The following SC5D variants were observed in gnomAD, a reference collection of about 807,000 sequenced individuals.
SC5D encodes sterol-C5-desaturase, also known as lathosterol oxidase.
A neutral mutation model predicts 23.9 loss-of-function variants in SC5D; 21 were observed. The ratio of observed to expected loss-of-function variants is 0.88; its 90% CI spans 0.62 to 1.26. The LOEUF (loss-of-function observed/expected upper bound fraction) is 1.26, where lower values mean the gene tolerates loss of function less well. SC5D is among the 50% of genes most tolerant of loss of function. SC5D has a pLI of 0.00. For missense variants in SC5D, 309 were observed against 364.8 expected (o/e 0.85, Z 1.25); for synonymous variants, 113 against 125.9 (o/e 0.90, Z 0.68).
At chr11:121,300,967 A>G (rs1007049839) in intron 1 of SC5D, among the ~76,000 whole-genome samples, 9 of 152,250 alleles carry the variant, frequency 5.9e-5, no homozygotes, top group Non-Finnish European at 1.0e-4. Flanking sequence ...TACTTAACGC[A>G]CAGCAACAAC....
chr11:121,308,532 T>C lies in SC5D; in HGVS notation c.*1020T>C, dbSNP rs1346070002. 6.6e-6 allele frequency: 1 copy of C among 152,590 alleles called. No individual in the cohort carries two copies. Among genetic ancestry groups the C allele is most frequent in the Non-Finnish European group, 1.5e-5 (1 of 68,040 alleles). The allele number at this position is 152,590 out of a possible 1,614,324, so 9.5% of individuals were successfully genotyped here. On this transcript the variant is annotated 3_prime_UTR_variant, in exon 5 of 5. Transcript: ENST00000264027. ...CAAAAAGATTTAACAAATACATTCA[T>C]AAGGAAATGTGTGTTGTAACAAATA...
intron 2 of SC5D, 92 bp downstream of exon 2, chr11:121,303,677 T>A: frequency 9.3e-7 from 1 of 1,070,416 alleles, no homozygotes; most frequent in Non-Finnish European, 1.4e-6. Flanking sequence ...TGATTATATG[T>A]AACCATTAAA....
rs572130626 is a variant in SC5D, at chr11:121,308,612, A to G, written c.*1100A>G. On this transcript the variant is annotated 3_prime_UTR_variant, in exon 5 of 5. Transcript: ENST00000264027. ...TCTATAAGCTATTTATGTAAAATCA[A>G]TAAAAGTTGATCATAATTAAACTGT... is the stretch of plus-strand genomic sequence containing the variant. 8 of 152,696 alleles carry G rather than the reference A, an allele frequency of 5.2e-5. No individual in the cohort carries two copies. Among genetic ancestry groups the G allele is most frequent in the Non-Finnish European group, 1.2e-4 (8 of 68,050 alleles). The allele number at this position is 152,696 out of a possible 1,614,324, so 9.5% of individuals were successfully genotyped here. A position where few individuals can be genotyped will look rare whatever the true frequency, so the allele number is the denominator to read the frequency against.
At chr11:121,297,223 G>A (rs749631597) in intron 1 of SC5D, among the ~76,000 whole-genome samples, 1 of 152,108 alleles carries the variant, frequency 6.6e-6, no homozygotes, top group Non-Finnish European at 1.5e-5. Flanking sequence ...TAACTCTTTC[G>A]CTCAGCTCTT....
chr11:121,306,179 C>G (rs1317536847), intron 3 of SC5D: 1 of 552,448 alleles, frequency 1.8e-6, no homozygotes, highest in African/African-American at 1.9e-5. Context: ...TAGAACATTT[C>G]AAGTACTTAT....
At chr11:121,296,243 C>T (rs1947888417) in intron 1 of SC5D, among the ~76,000 whole-genome samples, 1 of 152,170 alleles carries the variant, frequency 6.6e-6, no homozygotes. Flanking sequence ...ACCTAGAAAT[C>T]TTTAGTGTCT....
At chr11:121,304,248 G>T in intron 2 of SC5D, 113 bp from the exon 3 acceptor site, 1 of 890,400 alleles carries the variant, frequency 1.1e-6, no homozygotes. Context: ...ACAGTTTGGA[G>T]GTAAGCCCCT....
intron 1 of SC5D, among the ~76,000 whole-genome samples, chr11:121,297,029 G>A (rs577281958): frequency 1.3e-5 from 2 of 152,318 alleles, no homozygotes; most frequent in East Asian, 3.9e-4. Flanking sequence ...TAAGGTAAAT[G>A]CAAATTAAGT....
chr11:121,306,507 AAG>A, intron 4 of SC5D, 21 bp downstream of exon 4: 1 of 1,140,602 alleles, frequency 8.8e-7, no homozygotes, highest in Non-Finnish European at 1.3e-6. Context: ...TTGTGGTGAA[AAG>A]AGAAAAAAGG....
In SC5D at chr11:121,304,218, T is replaced by G. The variant is rs1180497685; in HGVS notation, c.211-143T>G. ...ATTTTCTTACATACCTATTTTTATG[T>G]ATTTAAAATTTTAATAGAAACAGTT... On this transcript the variant is annotated intron_variant, in intron 2 of 4. Coordinates refer to ENST00000264027, the MANE Select transcript of SC5D (RefSeq NM_006918.5). 4 of 674,446 alleles carry G rather than the reference T, an allele frequency of 5.9e-6. No individual in the cohort carries two copies. In the African/African-American group the frequency reaches 7.3e-5, roughly 12 times the overall value. 41.8% of individuals were successfully genotyped at this position (674,446 alleles called of 1,614,324 possible).
intron 1 of SC5D, among the ~76,000 whole-genome samples, chr11:121,294,263 C>G (rs1166716885): frequency 1.3e-5 from 2 of 152,046 alleles, no homozygotes; most frequent in Non-Finnish European, 2.9e-5. Flanking sequence ...GCTTATAACC[C>G]CTTAAAATTA....
intron 4 of SC5D, 71 bp downstream of exon 4, chr11:121,306,557 C>T (rs750025428): frequency 4.9e-6 from 4 of 820,174 alleles, no homozygotes; most frequent in Non-Finnish European, 8.5e-6. Context: ...AAATTCTGTT[C>T]TCTATTTCCA....
chr11:121,305,755 C>CAAAAAATT (rs1179858441), intron 3 of SC5D: 1 of 150,510 alleles, frequency 6.6e-6, no homozygotes, highest in African/African-American at 2.4e-5. Flanking sequence ...GAAGAAGGAA[C>CAAAAAATT]AAAAAATTAT....
In SC5D at chr11:121,307,300, A is replaced by G. The variant is rs1261338202; in HGVS notation, c.688A>G (p.Thr230Ala). Reference protein sequence around the residue: ...QPFINGSAHHTDHHMFFDYNY... With the variant: ...QPFINGSAHHADHHMFFDYNY... ...ATTTATTAATGGCTCAGCTCATCAT[A>G]CAGACCACCATATGTTCTTTGACTA... Residue 230 changes from threonine (T) to alanine (A), a missense_variant, in exon 5 of 5, where the codon ACA becomes GCA. Physicochemically the swap from Thr to Ala is moderately conservative, Grantham distance 58. Coordinates refer to ENST00000264027, the MANE Select transcript of SC5D (RefSeq NM_006918.5). 1 of 1,614,136 alleles carries G rather than the reference A, an allele frequency of 6.2e-7. No homozygotes were observed.
chr11:121,298,225 CTG>C (rs1207154820), intron 1 of SC5D, among the ~76,000 whole-genome samples: 4 of 152,280 alleles, frequency 2.6e-5, no homozygotes, highest in East Asian at 3.9e-4. Flanking sequence ...TCTCCAACCT[CTG>C]AGCTCAAGGA....
At position 121,307,139 on chromosome 11, in the gene SC5D, A is replaced by C. The variant is rs754288880; in HGVS notation, c.527A>C (p.Gln176Pro). ...HAFHPIDGFL[Q>P]SLPYHIYPFI... ...TTTCACCCTATTGATGGCTTTCTTC[A>C]GAGTCTACCTTACCATATATACCCT... is the stretch of plus-strand genomic sequence containing the variant. Residue 176 changes from glutamine to proline, a missense_variant, in exon 5 of 5, where the codon CAG becomes CCG. Gln to Pro is a moderately conservative substitution (Grantham distance 76). Transcript: ENST00000264027. 1 of 1,614,156 alleles carries C rather than the reference A, an allele frequency of 6.2e-7. No individual in the cohort carries two copies. The highest frequency in any genetic ancestry group is 1.3e-5 in the African/African-American group (1 of 75,048).
rs553530451 is a variant in SC5D at position 121,308,889 on chromosome 11, G to A, written c.*1377G>A. 1.3e-5 allele frequency among the ~76,000 whole-genome samples: 2 copies of A among 152,328 alleles called. No individual in the cohort carries two copies. Among genetic ancestry groups the A allele is most frequent in the Admixed American group, 1.3e-4 (2 of 15,302 alleles). On this transcript the variant is annotated 3_prime_UTR_variant, in exon 5 of 5. Coordinates refer to ENST00000264027, the MANE Select transcript of SC5D (RefSeq NM_006918.5). The stretch of plus-strand genomic sequence containing the variant: ...AGAAGAAAATGTCTTTAATCTGTGA[G>A]TTATTGTCACAATGTCATCTTATTT...
chr11:121,300,077 G>T (rs540470536), intron 1 of SC5D, among the ~76,000 whole-genome samples: 133 of 152,106 alleles, frequency 8.7e-4, no homozygotes, highest in Non-Finnish European at 1.5e-3. Flanking sequence ...AAAGGAGATG[G>T]TGACTTCCAA....
intron 2 of SC5D, chr11:121,303,898 T>C: frequency 3.6e-6 from 1 of 279,698 alleles, no homozygotes; most frequent in Non-Finnish European, 6.8e-6. Context: ...TATATGATTT[T>C]CACAAACTGA....
Sources: gnomAD v4.1 joint callset for allele counts (sites outside exome capture counted in the v4.1 genomes callset) on GRCh38, gnomAD v4.1.1 for gene constraint, MANE v1.5 for transcripts, NCBI Gene and HGNC (gene_info 2026-07-23, HGNC 2026-07-21) for gene names.